USP3: variants seen among roughly 807,000 people sequenced by gnomAD.
USP3 encodes the protein ubiquitin carboxyl-terminal hydrolase 3.
USP3 carries 20 observed loss-of-function variants against 72.3 expected under a neutral mutation model. That is an observed-to-expected ratio of 0.28 (90% confidence interval 0.19 to 0.40). USP3 has a LOEUF of 0.40. Ranked by LOEUF, USP3 falls within the 10% of genes least tolerant of loss-of-function variation. The probability of loss-of-function intolerance (pLI) is 1.00; values close to 1 mark genes in which losing one functional copy is unlikely to be tolerated. For synonymous variants in USP3, 222 were observed against 225.3 expected (o/e 0.99, Z 0.13); for missense variants, 479 against 633.9 (o/e 0.76, Z 2.62).
In USP3 at chr15:63,544,584, T is replaced by C. The variant is rs2066293120; in HGVS notation, c.284+7428T>C. ...TTAAAGGAAGTAAACCTACATTAAA[T>C]TTTAGGACAAGAAAACGATTGAGCC... On this transcript the variant is annotated intron_variant, in intron 3 of 14. Coordinates refer to ENST00000380324, the MANE Select transcript of USP3 (RefSeq NM_006537.4). This position sits in a 1 kb window ranked among gnomAD's most constrained non-coding sequence, Gnocchi z 4.2. 1 of 620,160 alleles carries C rather than the reference T, an allele frequency of 1.6e-6. No homozygotes were observed. The highest frequency in any genetic ancestry group is 1.8e-5 in the African/African-American group (1 of 54,236). 38.4% of individuals were successfully genotyped at this position (620,160 alleles called of 1,614,324 possible).
intron 4 of USP3, among the ~76,000 whole-genome samples, chr15:63,555,294 G>C (rs955154533): frequency 6.6e-6 from 1 of 152,144 alleles, no homozygotes; most frequent in African/African-American, 2.4e-5. Flanking sequence ...TAGAAACTAC[G>C]ATCATATTTG....
chr15:63,550,313 C>T (rs186206142), intron 3 of USP3, among the ~76,000 whole-genome samples: 6 of 152,294 alleles, frequency 3.9e-5, no homozygotes, highest in Admixed American at 3.3e-4. Context: ...CCACCATGCC[C>T]GGCCTGAACA....
rs1327036455 is a variant in USP3 at position 63,508,690 on chromosome 15, A to T, written c.91+3860A>T. Among the ~76,000 whole-genome samples, 3 of 152,192 alleles carry T rather than the reference A, an allele frequency of 2.0e-5. No individual in the cohort carries two copies. In the East Asian group the frequency reaches 5.8e-4, roughly 29 times the overall value. Reference sequence around the variant, plus strand: ...AAAAGAGTTTAACCAGTGGGAAAAAACAAAAATTGTTTAAAAAGATGCCCT... The same window carrying T: ...AAAAGAGTTTAACCAGTGGGAAAAATCAAAAATTGTTTAAAAAGATGCCCT... On this transcript the variant is annotated intron_variant, in intron 1 of 14. Transcript: ENST00000380324.
chr15:63,570,626 C>G lies in USP3; in HGVS notation c.908+47C>G. ...TTTTTTAGGAGGGCCTCAGACATTT[C>G]TTTTGGTGTTAATTATGTGTTAGAT... is the stretch of plus-strand genomic sequence containing the variant. On this transcript the variant is annotated intron_variant, in intron 9 of 14. Transcript: ENST00000380324. This position sits in a 1 kb window ranked among gnomAD's most constrained non-coding sequence, Gnocchi z 4.4. 6.4e-7 allele frequency: 1 copy of G among 1,562,354 alleles called. No homozygotes were observed. The highest frequency in any genetic ancestry group is 1.2e-5 in the South Asian group (1 of 81,890).
At chr15:63,536,988 C>T in intron 2 of USP3, 37 bp from the exon 3 acceptor site, 6 of 1,585,198 alleles carry the variant, frequency 3.8e-6, no homozygotes, top group Non-Finnish European at 5.1e-6. Flanking sequence ...ATTTCCAAAG[C>T]AATATTTAAA....
At position 63,588,953 on chromosome 15, in the gene USP3, A is replaced by G. The variant is rs556849075; in HGVS notation, c.1339A>G (p.Ser447Gly). Reference sequence around the variant, plus strand: ...CTTCCTTGTTCTGTAGCCTGAGAACAGTGGCCCGGAGAGCTGCCTGTATGA... The same window carrying G: ...CTTCCTTGTTCTGTAGCCTGAGAACGGTGGCCCGGAGAGCTGCCTGTATGA... ...MKCYLLEPEN[S>G]GPESCLYDLA... Residue 447 changes from serine (S) to glycine (G), a missense_variant, in exon 14 of 15, where the codon AGT (serine) becomes GGT (glycine). Coordinates refer to ENST00000380324, the MANE Select transcript of USP3 (RefSeq NM_006537.4). The surrounding 1 kb of genome is among the most constrained non-coding windows in gnomAD (Gnocchi z 4.6). 3.7e-6 allele frequency: 6 copies of G among 1,614,180 alleles called. No individual in the cohort carries two copies. In the African/African-American group the frequency reaches 5.3e-5, roughly 14 times the overall value.
chr15:63,559,293 A>T (rs1474082724), intron 6 of USP3, among the ~76,000 whole-genome samples: 1 of 152,220 alleles, frequency 6.6e-6, no homozygotes, highest in African/African-American at 2.4e-5. Flanking sequence ...AAAGTTGCAT[A>T]CTTTTAGATT....
chr15:63,564,651 A>G (rs1267583948), intron 8 of USP3, among the ~76,000 whole-genome samples: 1 of 152,212 alleles, frequency 6.6e-6, no homozygotes, highest in Non-Finnish European at 1.5e-5. Flanking sequence ...GAATATTCCT[A>G]CTGATGAAGG....
At chr15:63,540,963 G>A (rs2152663684) in intron 3 of USP3, among the ~76,000 whole-genome samples, 1 of 152,316 alleles carries the variant, frequency 6.6e-6, no homozygotes, top group Non-Finnish European at 1.5e-5. Flanking sequence ...GGAATTGTAT[G>A]TGGTGTACAT....
intron 4 of USP3, among the ~76,000 whole-genome samples, chr15:63,554,314 T>C (rs1470533477): frequency 1.3e-5 from 2 of 152,208 alleles, no homozygotes; most frequent in African/African-American, 4.8e-5. Flanking sequence ...AAATATCAGT[T>C]GACATTACAA....
intron 7 of USP3, among the ~76,000 whole-genome samples, chr15:63,561,455 C>T (rs921504106): frequency 3.9e-5 from 6 of 152,232 alleles, no homozygotes; most frequent in Non-Finnish European, 1.5e-5. Context: ...CCACCACTGC[C>T]TCTGGTGCCC....
intron 1 of USP3, among the ~76,000 whole-genome samples, chr15:63,525,934 A>G (rs1310214936): frequency 1.3e-5 from 2 of 152,168 alleles, no homozygotes; most frequent in Non-Finnish European, 2.9e-5. Flanking sequence ...ATTTTCATTG[A>G]TTATAATTTT....
rs1363637130 is a variant in USP3, at chr15:63,574,666, CAA to C, written c.1096+266_1096+267del. Among the ~76,000 whole-genome samples, 1 of 152,166 alleles carries C rather than the reference CAA, an allele frequency of 6.6e-6. No homozygotes were observed. The highest frequency in any genetic ancestry group is 2.4e-5 in the African/African-American group (1 of 41,438). On this transcript the variant is annotated intron_variant, in intron 11 of 14. Transcript: ENST00000380324. This position sits in a 1 kb window ranked among gnomAD's most constrained non-coding sequence, Gnocchi z 4.6. ...TGACTTTAAAATAGAAGGTCTGTAGCAAAAGTTTTTCTGACCAAATGAAACAG... is the reference window on the plus strand; with the variant it reads ...TGACTTTAAAATAGAAGGTCTGTAGCAAGTTTTTCTGACCAAATGAAACAG...
At chr15:63,580,090 C>G (rs2066928454) in intron 11 of USP3, among the ~76,000 whole-genome samples, 1 of 152,064 alleles carries the variant, frequency 6.6e-6, no homozygotes, top group African/African-American at 2.4e-5. Flanking sequence ...ATTTAAATGT[C>G]CACCAGTAGG....
At chr15:63,573,992 G>A (rs2152678978) in intron 9 of USP3, 54 bp from the exon 10 acceptor site, 2 of 1,298,642 alleles carry the variant, frequency 1.5e-6, no homozygotes, top group Non-Finnish European at 2.1e-6. Context: ...TTTTTTAAAT[G>A]TCAAAGAGAT....
At chr15:63,505,144 C>T (rs574161763) in intron 1 of USP3, among the ~76,000 whole-genome samples, 27 of 151,792 alleles carry the variant, frequency 1.8e-4, no homozygotes, top group African/African-American at 6.3e-4. Context: ...CTTGCCCCGC[C>T]CTGCCGTGGC....
At chr15:63,554,235 A>G (rs2066475914) in intron 4 of USP3, among the ~76,000 whole-genome samples, 1 of 152,216 alleles carries the variant, frequency 6.6e-6, no homozygotes. Flanking sequence ...TTTAATGAAC[A>G]TATTGTCCAC....
chr15:63,520,036 A>T (rs1228962722), intron 1 of USP3, among the ~76,000 whole-genome samples: 1 of 152,216 alleles, frequency 6.6e-6, no homozygotes, highest in African/African-American at 2.4e-5. Flanking sequence ...AGCCTGTTGC[A>T]GCCTTGGAAT....
At chr15:63,530,629 T>G (rs2066059488) in intron 1 of USP3, 1 of 430,178 alleles carries the variant, frequency 2.3e-6, no homozygotes, top group African/African-American at 2.1e-5. Context: ...TTCTTAATAT[T>G]TACTAAGAGA....
Sources: allele counts gnomAD v4.1 joint callset (sites outside exome capture counted in the v4.1 genomes callset), GRCh38; gene constraint gnomAD v4.1.1; non-coding constraint Gnocchi (gnomAD v3.1); transcripts MANE v1.5; gene names NCBI Gene and HGNC (gene_info 2026-07-23, HGNC 2026-07-21).